The following GREM1 variants were observed in gnomAD, a reference collection of about 807,000 sequenced individuals.
GREM1 encodes gremlin 1, DAN family BMP antagonist, also known as gremlin-1.
In GREM1, 6 loss-of-function variants were observed where a neutral mutation model predicts 13.1. That is an observed-to-expected ratio of 0.46 (90% CI 0.25 to 0.91). The LOEUF is 0.91. GREM1 is among the 40% of genes least tolerant of loss of function. The pLI, the probability that GREM1 is intolerant of heterozygous loss-of-function variation, is 0.18. For synonymous variants in GREM1, 98 were observed against 93.7 expected, an observed-to-expected ratio of 1.05 and a Z score of -0.27; for missense variants, 185 against 233.9, an observed-to-expected ratio of 0.79 and a Z score of 1.36.
rs12442250 is a variant in GREM1, at chr15:32,743,083, C to A, written c.*11838C>A. On this transcript the variant is annotated 3_prime_UTR_variant, in exon 2 of 2. Coordinates refer to ENST00000651154, the MANE Select transcript of GREM1 (RefSeq NM_013372.7). ...CTGAATGAAAAGGCAATCTATGGAACAGAAGACACGGGGTGACATGAGACC... is the reference window on the plus strand; with the variant it reads ...CTGAATGAAAAGGCAATCTATGGAAAAGAAGACACGGGGTGACATGAGACC... The A allele has an allele frequency of 2.6e-5, 4 of 152,204 alleles. No individual in the cohort carries two copies. Among genetic ancestry groups the A allele is most frequent in the African/African-American group, 7.2e-5 (3 of 41,424 alleles). 9.4% of individuals were successfully genotyped at this position (152,204 alleles called of 1,614,324 possible).
intron 1 of GREM1, among the ~76,000 whole-genome samples, chr15:32,727,479 A>T (rs948595336): frequency 5.3e-5 from 8 of 152,218 alleles, no homozygotes; most frequent in Admixed American, 1.3e-4. Context: ...TAAACTAGGT[A>T]TTGATGAAAC....
In GREM1 at chr15:32,738,660, C is replaced by T. The variant is rs1430330945; in HGVS notation, c.*7415C>T. On this transcript the variant is annotated 3_prime_UTR_variant, in exon 2 of 2. Transcript: ENST00000651154. ...ATTTTAAAAAGTTGGAGAACTCACA[C>T]TTCCTGGTTTCATAACATACACCAG... 6.6e-6 allele frequency: 1 copy of T among 152,216 alleles called. No homozygotes were observed. The highest frequency in any genetic ancestry group is 1.5e-5 in the Non-Finnish European group (1 of 68,040). The allele number at this position is 152,216 out of a possible 1,614,324, so 9.4% of individuals were successfully genotyped here. A position where few individuals can be genotyped will look rare whatever the true frequency, so the allele number is the denominator to read the frequency against.
intron 1 of GREM1, among the ~76,000 whole-genome samples, chr15:32,729,622 C>T (rs1167706403): frequency 6.6e-6 from 1 of 151,976 alleles, no homozygotes; most frequent in African/African-American, 2.4e-5. Flanking sequence ...TTATTTTTTG[C>T]CATTGTTCAC....
rs571835053 is a variant in GREM1 at position 32,733,429 on chromosome 15, A to G, written c.*2184A>G. On this transcript the variant is annotated 3_prime_UTR_variant, in exon 2 of 2. Coordinates refer to ENST00000651154, the MANE Select transcript of GREM1 (RefSeq NM_013372.7). Reference sequence around the variant, plus strand: ...CACAAGAATGCAATTTCGTTAACGGAGATGACTTAAGTTGGCAGCAGTAAT... The same window carrying G: ...CACAAGAATGCAATTTCGTTAACGGGGATGACTTAAGTTGGCAGCAGTAAT... 15 of 229,096 alleles carry G rather than the reference A, an allele frequency of 6.5e-5. No individual in the cohort carries two copies. In the South Asian group the frequency reaches 2.4e-3, roughly 37 times the overall value. 14.2% of individuals were successfully genotyped at this position (229,096 alleles called of 1,614,324 possible).
intron 1 of GREM1, among the ~76,000 whole-genome samples, chr15:32,726,601 C>G (rs1310571983): frequency 6.6e-6 from 1 of 151,634 alleles, no homozygotes; most frequent in Non-Finnish European, 1.5e-5. Flanking sequence ...GAAACAAGAG[C>G]AAACAAATTC....
chr15:32,727,813 G>A (rs1361096573), intron 1 of GREM1, among the ~76,000 whole-genome samples: 4 of 152,154 alleles, frequency 2.6e-5, no homozygotes, highest in Non-Finnish European at 5.9e-5. Flanking sequence ...CAAAATCAAT[G>A]TGCAAAAATC....
Position 32,732,509 on chromosome 15 carries a change from G to T in GREM1, c.*1264G>T. On this transcript the variant is annotated 3_prime_UTR_variant, in exon 2 of 2. Coordinates refer to ENST00000651154, the MANE Select transcript of GREM1 (RefSeq NM_013372.7). ...CTAAAGAGAAGACGACGAGAGTAAG[G>T]AAATAAAGGGAATTGCCTCTGGCTA... 1 of 245,808 alleles carries T rather than the reference G, an allele frequency of 4.1e-6. No individual in the cohort carries two copies. The allele number at this position is 245,808 out of a possible 1,614,324, so 15.2% of individuals were successfully genotyped here. A position where few individuals can be genotyped will look rare whatever the true frequency, so the allele number is the denominator to read the frequency against.
rs987498766 is a variant in GREM1 at position 32,739,841 on chromosome 15, G to A, written c.*8596G>A. The A allele has an allele frequency of 6.6e-6, 1 of 152,284 alleles. No individual in the cohort carries two copies. The highest frequency in any genetic ancestry group is 1.5e-5 in the Non-Finnish European group (1 of 68,098). The allele number at this position is 152,284 out of a possible 1,614,324, so 9.4% of individuals were successfully genotyped here. The stretch of plus-strand genomic sequence containing the variant: ...AGCACTCAGTTTCTCCCAGGTGAGA[G>A]GAGTTGGTTCACATATCCAAGACCT... On this transcript the variant is annotated 3_prime_UTR_variant, in exon 2 of 2. Transcript: ENST00000651154.
At position 32,727,259 on chromosome 15, in the gene GREM1, A is replaced by G. The variant is rs140384783; in HGVS notation, c.-1-3431A>G. Among the ~76,000 whole-genome samples, 630 of 152,330 alleles carry G rather than the reference A, an allele frequency of 4.1e-3. 2 individuals carry two copies. Among genetic ancestry groups the G allele is most frequent in the African/African-American group, 0.015 (611 of 41,570 alleles). ...ATGAACATTGATGTGAAAATCCTCA[A>G]TAAAATACTGGCAGCACATCAAAAA... On this transcript the variant is annotated intron_variant, in intron 1 of 1. Transcript: ENST00000651154.
At position 32,729,393 on chromosome 15, in the gene GREM1, G is replaced by A. The variant is rs544528443; in HGVS notation, c.-1-1297G>A. 2.7e-5 allele frequency among the ~76,000 whole-genome samples: 4 copies of A among 149,300 alleles called. No individual in the cohort carries two copies. The South Asian group carries it at 6.5e-4, about 24-fold the overall frequency. ...GGAAAATCTTTTTAGTCTGTCTGAG[G>A]CTTCTCTCTTGCACTCTCCTTTTTA... On this transcript the variant is annotated intron_variant, in intron 1 of 1. Transcript: ENST00000651154.
intron 1 of GREM1, among the ~76,000 whole-genome samples, chr15:32,725,920 C>A (rs958398752): frequency 3.9e-5 from 6 of 152,134 alleles, no homozygotes; most frequent in Admixed American, 3.3e-4. Context: ...TTGTTTTTGT[C>A]AGGTTTGTCA....
rs951458018 is a variant in GREM1 at position 32,735,888 on chromosome 15, C to G, written c.*4643C>G. The G allele has an allele frequency of 6.6e-6, 1 of 151,460 alleles. No individual in the cohort carries two copies. Among genetic ancestry groups the G allele is most frequent in the African/African-American group, 2.5e-5 (1 of 40,794 alleles). The allele number at this position is 151,460 out of a possible 1,614,324, so 9.4% of individuals were successfully genotyped here. A position where few individuals can be genotyped will look rare whatever the true frequency, so the allele number is the denominator to read the frequency against. ...AATGAGAATGTGACAAAAATAGATT[C>G]AACTTCTTATAGCTCTGGAAATTAA... On this transcript the variant is annotated 3_prime_UTR_variant, in exon 2 of 2. Transcript: ENST00000651154.
intron 1 of GREM1, among the ~76,000 whole-genome samples, chr15:32,720,626 G>C (rs1448380737): frequency 6.6e-6 from 1 of 152,224 alleles, no homozygotes; most frequent in African/African-American, 2.4e-5. Flanking sequence ...ATTTTCTTTA[G>C]TTTTAACATA....
intron 1 of GREM1, among the ~76,000 whole-genome samples, chr15:32,724,332 G>A (rs2140675939): frequency 6.6e-6 from 1 of 152,342 alleles, no homozygotes; most frequent in Non-Finnish European, 1.5e-5. Flanking sequence ...AACTCAGAGG[G>A]TCCTGGTCTA....
rs539300179 is a variant in GREM1, at chr15:32,733,601, GTTC to G, written c.*2362_*2364del. ...TCACTAGCCAAAGAGGGAAATATCT[GTTC>G]TTCTTACTGTGCCTATATTAAGACT... On this transcript the variant is annotated 3_prime_UTR_variant, in exon 2 of 2. Transcript: ENST00000651154. 293 of 230,582 alleles carry G rather than the reference GTTC, an allele frequency of 1.3e-3. 4 individuals carry two copies. Among genetic ancestry groups the G allele is most frequent in the African/African-American group, 6.0e-3 (268 of 44,582 alleles). The allele number at this position is 230,582 out of a possible 1,614,324, so 14.3% of individuals were successfully genotyped here. A position where few individuals can be genotyped will look rare whatever the true frequency, so the allele number is the denominator to read the frequency against.
chr15:32,738,125 A>AAAAAAAAAAAAAAAAAAAAAAAAAAAAAC lies in GREM1; in HGVS notation c.*6888_*6889insAAAAAAAAAAAAAAAAAAAACAAAAAAAA. On this transcript the variant is annotated 3_prime_UTR_variant, in exon 2 of 2. Coordinates refer to ENST00000651154, the MANE Select transcript of GREM1 (RefSeq NM_013372.7). Reference sequence around the variant, plus strand: ...AAAAAAAAAAAAAAAAAAAAAAAAAAAAAAAAAAGAAAAGAAAAAAGTCAT... The same window carrying AAAAAAAAAAAAAAAAAAAAAAAAAAAAAC: ...AAAAAAAAAAAAAAAAAAAAAAAAAAAAAAAAAAAAAAAAAAAAAAAAAAAAAACAAAAAAAAGAAAAGAAAAAAGTCAT... The AAAAAAAAAAAAAAAAAAAAAAAAAAAAAC allele has an allele frequency of 3.6e-4, 10 of 27,966 alleles. 3 individuals are homozygous for AAAAAAAAAAAAAAAAAAAAAAAAAAAAAC. The highest frequency in any genetic ancestry group is 4.6e-4 in the African/African-American group (3 of 6,582). The allele number at this position is 27,966 out of a possible 1,614,324, so 1.7% of individuals were successfully genotyped here. A position where few individuals can be genotyped will look rare whatever the true frequency, so the allele number is the denominator to read the frequency against.
chr15:32,731,379 C>T lies in GREM1; in HGVS notation c.*134C>T, dbSNP rs1350459713. 16 of 680,192 alleles carry T rather than the reference C, an allele frequency of 2.4e-5. No homozygotes were observed. The highest frequency in any genetic ancestry group is 3.8e-5 in the Non-Finnish European group (15 of 393,944). The allele number at this position is 680,192 out of a possible 1,614,324, so 42.1% of individuals were successfully genotyped here. On this transcript the variant is annotated 3_prime_UTR_variant, in exon 2 of 2. Coordinates refer to ENST00000651154, the MANE Select transcript of GREM1 (RefSeq NM_013372.7). ...CCAGCTGCCTCCTGGCAGGAGCCTG[C>T]TTGTGCGTAGTTCGTGTGCATGAGT... is the stretch of plus-strand genomic sequence containing the variant.
chr15:32,733,536 T>C lies in GREM1; in HGVS notation c.*2291T>C, dbSNP rs1364666735. 2.6e-5 allele frequency: 6 copies of C among 233,226 alleles called. No individual in the cohort carries two copies. The highest frequency in any genetic ancestry group is 5.8e-5 in the Admixed American group (1 of 17,242). 14.4% of individuals were successfully genotyped at this position (233,226 alleles called of 1,614,324 possible). A position where few individuals can be genotyped will look rare whatever the true frequency, so the allele number is the denominator to read the frequency against. ...AAAGAGAATTTCCTCAACACTAACT[T>C]CACTGGGATAATCAGCAGCGTAACT... On this transcript the variant is annotated 3_prime_UTR_variant, in exon 2 of 2. Transcript: ENST00000651154.
rs1479073274 is a variant in GREM1 at position 32,730,901 on chromosome 15, G to A, written c.211G>A (p.Glu71Lys). 6.2e-7 allele frequency: 1 copy of A among 1,613,790 alleles called. No individual in the cohort carries two copies. The highest frequency in any genetic ancestry group is 8.5e-7 in the Non-Finnish European group (1 of 1,179,902). ...AGGGCGGGGCACTGCCATGCCCGGG[G>A]AGGAGGTGCTGGAGTCCAGCCAAGA... ...GQGRGTAMPG[E>K]EVLESSQEAL... Residue 71 changes from glutamate (E) to lysine (K), a missense_variant, in exon 2 of 2, where the codon GAG becomes AAG. Transcript: ENST00000651154.
Sources: gnomAD v4.1 joint callset for allele counts (sites outside exome capture counted in the v4.1 genomes callset) on GRCh38, gnomAD v4.1.1 for gene constraint, MANE v1.5 for transcripts, NCBI Gene and HGNC (gene_info 2026-07-23, HGNC 2026-07-21) for gene names.